SEMA6D: variants seen among roughly 807,000 people sequenced by gnomAD.
The protein encoded by SEMA6D is semaphorin-6D.
In SEMA6D, 35 loss-of-function variants were observed where a neutral mutation model predicts 106.6. The ratio of observed to expected loss-of-function variants is 0.33; its 90% CI spans 0.25 to 0.44. The LOEUF is 0.44. Ranked by LOEUF, SEMA6D falls within the 20% of genes least tolerant of loss-of-function variation. SEMA6D has a pLI of 1.00. For synonymous variants in SEMA6D, 499 were observed against 487.7 expected, an observed-to-expected ratio of 1.02 and a Z score of -0.31; for missense variants, 1,185 against 1,345.9, an observed-to-expected ratio of 0.88 and a Z score of 1.87.
intron 1 of SEMA6D, among the ~76,000 whole-genome samples, chr15:47,261,883 A>T (rs111449905): frequency 0.015 from 2,268 of 152,010 alleles, 59 homozygotes; most frequent in African/African-American, 0.053. Flanking sequence ...ATTTTTCATT[A>T]TATGAATATA....
At chr15:47,458,495 A>G (rs1379855346) in intron 2 of SEMA6D, among the ~76,000 whole-genome samples, 3 of 152,066 alleles carry the variant, frequency 2.0e-5, no homozygotes, top group Non-Finnish European at 2.9e-5. Flanking sequence ...AAAGAATTCA[A>G]AATATGCAAA....
At chr15:47,715,905 C>T (rs1233116518), upstream of SEMA6D, among the ~76,000 whole-genome samples, 1 of 152,214 alleles carries the variant, frequency 6.6e-6, no homozygotes, top group African/African-American at 2.4e-5. Context: ...TTATGCAATG[C>T]ACAGTATCCT....
chr15:47,451,968 G>A (rs966855592), intron 2 of SEMA6D, among the ~76,000 whole-genome samples: 1 of 151,940 alleles, frequency 6.6e-6, no homozygotes, highest in African/African-American at 2.4e-5. Flanking sequence ...TTGAATTGCT[G>A]TTCACTCCAG....
chr15:47,587,302 C>T (rs2076359604), intron 3 of SEMA6D, among the ~76,000 whole-genome samples: 1 of 152,200 alleles, frequency 6.6e-6, no homozygotes, highest in Non-Finnish European at 1.5e-5. Context: ...TCCATTCAGA[C>T]AGTCCCTTGT....
chr15:47,678,435 G>A (rs1398320211), intron 4 of SEMA6D, among the ~76,000 whole-genome samples: 1 of 152,048 alleles, frequency 6.6e-6, no homozygotes, highest in African/African-American at 2.4e-5. Flanking sequence ...ACAATATTTT[G>A]TTATGGATAT....
chr15:47,344,000 A>G (rs1051515689), intron 1 of SEMA6D, among the ~76,000 whole-genome samples: 4 of 152,200 alleles, frequency 2.6e-5, no homozygotes, highest in Non-Finnish European at 4.4e-5. Context: ...ATCACTGGCC[A>G]TCAGAGAAAT....
chr15:47,589,309 T>C (rs776617674), intron 3 of SEMA6D, among the ~76,000 whole-genome samples: 1 of 152,226 alleles, frequency 6.6e-6, no homozygotes, highest in East Asian at 1.9e-4. Flanking sequence ...TTCTAACAAA[T>C]GTAGGTAAGG....
intron 4 of SEMA6D, among the ~76,000 whole-genome samples, chr15:47,650,967 T>A (rs1339296225): frequency 6.6e-6 from 1 of 152,220 alleles, no homozygotes; most frequent in Non-Finnish European, 1.5e-5. Flanking sequence ...CTTTACTGAT[T>A]GCCAGTGAGG....
At chr15:47,761,589 A>C in intron 6 of SEMA6D, 72 bp from the exon 7 acceptor site, 1 of 1,319,758 alleles carries the variant, frequency 7.6e-7, no homozygotes, top group South Asian at 1.3e-5. Context: ...TTTTAATACA[A>C]ATAAAATAGT....
rs1195895262 is a variant in SEMA6D, at chr15:47,258,290, A to G, written c.-239+73872A>G. Among the ~76,000 whole-genome samples the G allele has an allele frequency of 9.8e-5, 15 of 152,292 alleles. No individual in the cohort carries two copies. The East Asian group carries it at 2.9e-3, about 29-fold the overall frequency. On this transcript the variant is annotated intron_variant, in intron 1 of 19. Transcript: ENST00000558014. ...ATATGTTAGAACCGAATATATTTTGATGATTAGTTTTTATGTGTCAATTTG... is the reference window on the plus strand; with the variant it reads ...ATATGTTAGAACCGAATATATTTTGGTGATTAGTTTTTATGTGTCAATTTG...
chr15:47,440,999 C>T lies in SEMA6D; in HGVS notation c.-159+28527C>T, dbSNP rs186509554. On this transcript the variant is annotated intron_variant, in intron 2 of 19. Transcript: ENST00000558014. ...CCTTGTGTGTAACTTGCTCCTTCTT[C>T]CTTTTGCCTTTGAAATGTTACCATT... Among the ~76,000 whole-genome samples the T allele has an allele frequency of 2.0e-5, 3 of 152,196 alleles. No homozygotes were observed. The East Asian group carries it at 5.8e-4, about 30-fold the overall frequency.
At chr15:47,326,503 C>T (rs1329355308) in intron 1 of SEMA6D, among the ~76,000 whole-genome samples, 1 of 152,228 alleles carries the variant, frequency 6.6e-6, no homozygotes, top group African/African-American at 2.4e-5. Context: ...ACATCTTTCT[C>T]TTCCTCCATT....
chr15:47,309,999 G>C (rs116773149), intron 1 of SEMA6D, among the ~76,000 whole-genome samples: 2,098 of 152,284 alleles, frequency 0.014, 58 homozygotes, highest in African/African-American at 0.047. Context: ...TCAGAAGATG[G>C]CCTTGACTGA....
intron 4 of SEMA6D, among the ~76,000 whole-genome samples, chr15:47,708,377 C>T (rs1484720883): frequency 2.0e-5 from 3 of 152,168 alleles, no homozygotes; most frequent in African/African-American, 7.2e-5. Context: ...CCCAAAGTAC[C>T]TCTGTTAGAG....
intron 1 of SEMA6D, among the ~76,000 whole-genome samples, chr15:47,281,508 G>A (rs1045702310): frequency 6.6e-6 from 1 of 150,532 alleles, no homozygotes; most frequent in Non-Finnish European, 1.5e-5. Context: ...TCTTTTAATT[G>A]GAGCATTTAG....
chr15:47,603,493 C>T (rs2076707248), intron 4 of SEMA6D: 1 of 152,144 alleles, frequency 6.6e-6, no homozygotes, highest in African/African-American at 2.4e-5. Flanking sequence ...TTATATTCCA[C>T]AACTAACTGG....
chr15:47,668,238 A>C (rs2078066632), intron 4 of SEMA6D, among the ~76,000 whole-genome samples: 1 of 152,150 alleles, frequency 6.6e-6, no homozygotes, highest in Admixed American at 6.5e-5. Context: ...AATAATCTAA[A>C]ATAATGCACA....
chr15:47,300,928 G>A (rs143415329), intron 1 of SEMA6D, among the ~76,000 whole-genome samples: 1 of 152,174 alleles, frequency 6.6e-6, no homozygotes, highest in African/African-American at 2.4e-5. Context: ...GAGGACTACT[G>A]CATCTTATTG....
At chr15:47,418,774 C>G (rs2041060961) in intron 2 of SEMA6D, among the ~76,000 whole-genome samples, 1 of 151,990 alleles carries the variant, frequency 6.6e-6, no homozygotes, top group African/African-American at 2.4e-5. Flanking sequence ...GGTCCTGTGC[C>G]TAGGTGGAGA....
Sources: gnomAD v4.1 joint callset for allele counts (sites outside exome capture counted in the v4.1 genomes callset) on GRCh38, gnomAD v4.1.1 for gene constraint, MANE v1.5 for transcripts, NCBI Gene and HGNC (gene_info 2026-07-23, HGNC 2026-07-21) for gene names.